The following FNDC3B variants were observed in gnomAD, a reference collection of about 807,000 sequenced individuals.
The protein encoded by FNDC3B is fibronectin type III domain-containing protein 3B.
FNDC3B carries 12 observed loss-of-function variants against 151.5 expected under a neutral mutation model. That is an observed-to-expected ratio of 0.08 (90% confidence interval 0.05 to 0.13). The LOEUF (loss-of-function observed/expected upper bound fraction) is 0.13. Ranked by LOEUF, FNDC3B falls within the 10% of genes least tolerant of loss-of-function variation. The pLI is 1.00. For missense variants in FNDC3B, 1,214 were observed against 1,505.3 expected (o/e 0.81, Z 3.20); for synonymous variants, 528 against 549.0 (o/e 0.96, Z 0.54).
At chr3:172,268,012 T>C (rs1729011839) in intron 6 of FNDC3B, among the ~76,000 whole-genome samples, 1 of 152,270 alleles carries the variant, frequency 6.6e-6, no homozygotes, top group South Asian at 2.1e-4. Context: ...AGCCCTGTTA[T>C]CTGCCTTGTG....
intron 2 of FNDC3B, among the ~76,000 whole-genome samples, chr3:172,127,766 A>G (rs1720876787): frequency 6.6e-6 from 1 of 152,192 alleles, no homozygotes; most frequent in African/African-American, 2.4e-5. Flanking sequence ...CCCGAGTTCA[A>G]GCGATTCTCA....
chr3:172,272,029 C>A (rs901861128), intron 6 of FNDC3B, among the ~76,000 whole-genome samples: 1 of 152,202 alleles, frequency 6.6e-6, no homozygotes, highest in Non-Finnish European at 1.5e-5. Flanking sequence ...GGGTCTAGAT[C>A]ACCGTTGGGC....
chr3:172,355,089 T>C (rs1734031262), intron 22 of FNDC3B, among the ~76,000 whole-genome samples: 1 of 152,218 alleles, frequency 6.6e-6, no homozygotes, highest in Non-Finnish European at 1.5e-5. Context: ...AGAATTACAA[T>C]ACTACTTTTA....
chr3:172,377,933 A>T (rs1395709171), intron 23 of FNDC3B, among the ~76,000 whole-genome samples: 1 of 152,212 alleles, frequency 6.6e-6, no homozygotes, highest in African/African-American at 2.4e-5. Context: ...AGTTTACACT[A>T]CCAGATTATA....
chr3:172,346,638 A>G (rs979428650), intron 20 of FNDC3B, among the ~76,000 whole-genome samples, 198 bp downstream of exon 20: 4 of 148,708 alleles, frequency 2.7e-5, no homozygotes, highest in African/African-American at 1.0e-4. Context: ...GTTTTACTGT[A>G]GTCAAAACTG....
intron 7 of FNDC3B, among the ~76,000 whole-genome samples, chr3:172,287,767 A>G (rs978632019): frequency 6.6e-6 from 1 of 152,232 alleles, no homozygotes; most frequent in Non-Finnish European, 1.5e-5. Flanking sequence ...TAGCAAGACA[A>G]AAGCCATATT....
rs1727847197 is a variant in FNDC3B at position 172,247,634 on chromosome 3, T to C, written c.366T>C (p.His122=). 1.2e-6 allele frequency: 2 copies of C among 1,613,980 alleles called. No individual in the cohort carries two copies. Among genetic ancestry groups the C allele is most frequent in the East Asian group, 4.5e-5 (2 of 44,878 alleles). Residue 122 remains histidine, a synonymous_variant, in exon 5 of 26, where the codon CAT becomes CAC. Transcript: ENST00000415807. The part of the protein sequence containing the change: ...SYPSAMSPTH[H]LPPYLTHHPH... ...CCTCAGCCATGTCTCCAACCCATCA[T>C]CTCCCTCCCTATCTGACTCACCATC...
At chr3:172,229,424 A>G (rs147846266) in intron 4 of FNDC3B, among the ~76,000 whole-genome samples, 3 of 152,218 alleles carry the variant, frequency 2.0e-5, no homozygotes, top group African/African-American at 4.8e-5. Context: ...CTCTTTCTAA[A>G]TACACACTTT....
At chr3:172,197,019 A>T (rs1027497556) in intron 3 of FNDC3B, among the ~76,000 whole-genome samples, 2 of 151,930 alleles carry the variant, frequency 1.3e-5, no homozygotes, top group African/African-American at 4.8e-5. Context: ...TGTCTTTACT[A>T]AAAATACAAA....
In FNDC3B at chr3:172,378,475, A is replaced by G. The variant is rs151054539; in HGVS notation, c.3175+39A>G. Reference sequence around the variant, plus strand: ...GTATTCTTTCTCGCTCTCTTGTGAGAGTAAGGAACTGTTGGGACTTATAGA... The same window carrying G: ...GTATTCTTTCTCGCTCTCTTGTGAGGGTAAGGAACTGTTGGGACTTATAGA... On this transcript the variant is annotated intron_variant, in intron 24 of 25. Transcript: ENST00000415807. 2.0e-4 allele frequency: 303 copies of G among 1,528,874 alleles called. 2 individuals carry two copies. In the African/African-American group the frequency reaches 3.2e-3, roughly 16 times the overall value. The allele number at this position is 1,528,874 out of a possible 1,614,324, so 94.7% of individuals were successfully genotyped here.
At chr3:172,187,568 C>A (rs1724254558) in intron 3 of FNDC3B, among the ~76,000 whole-genome samples, 1 of 152,222 alleles carries the variant, frequency 6.6e-6, no homozygotes. Flanking sequence ...TATCCAGTTA[C>A]TTCTACAACT....
At chr3:172,081,304 G>A (rs1201885878) in intron 1 of FNDC3B, among the ~76,000 whole-genome samples, 1 of 151,852 alleles carries the variant, frequency 6.6e-6, no homozygotes, top group Non-Finnish European at 1.5e-5. Flanking sequence ...CTTGGTGTCG[G>A]TGGCATTTCT....
At chr3:172,168,615 A>G (rs538205853) in intron 3 of FNDC3B, among the ~76,000 whole-genome samples, 25 of 152,236 alleles carry the variant, frequency 1.6e-4, no homozygotes, top group Admixed American at 3.9e-4. Flanking sequence ...ATATATACTC[A>G]TCACTTCCTG....
intron 1 of FNDC3B, among the ~76,000 whole-genome samples, chr3:172,074,264 C>A (rs1717906147): frequency 6.6e-6 from 1 of 152,214 alleles, no homozygotes; most frequent in Non-Finnish European, 1.5e-5. Flanking sequence ...TTCCACAATT[C>A]CGCTAGGCTA....
intron 3 of FNDC3B, among the ~76,000 whole-genome samples, chr3:172,192,316 G>A (rs923653175): frequency 1.3e-5 from 2 of 151,796 alleles, no homozygotes; most frequent in Admixed American, 1.3e-4. Flanking sequence ...GGGACCACAG[G>A]CATGTGCCAC....
intron 13 of FNDC3B, 66 bp downstream of exon 13, chr3:172,330,781 C>CA (rs1047216716): frequency 6.2e-6 from 8 of 1,291,802 alleles, no homozygotes; most frequent in Non-Finnish European, 6.5e-6. Flanking sequence ...AGCTACAGGG[C>CA]ACCATGAAAT....
intron 6 of FNDC3B, among the ~76,000 whole-genome samples, chr3:172,263,592 T>TG (rs1368569116): frequency 9.8e-6 from 1 of 102,168 alleles, no homozygotes; most frequent in Non-Finnish European, 2.5e-5. Context: ...AAGTGTTTTT[T>TG]TTTTTTTTTT....
chr3:172,124,151 C>T (rs1204262662), intron 2 of FNDC3B, among the ~76,000 whole-genome samples: 3 of 152,178 alleles, frequency 2.0e-5, no homozygotes, highest in African/African-American at 4.8e-5. Flanking sequence ...AGTGCAATGG[C>T]GCGATCTCAG....
rs74873487 is a variant in FNDC3B, at chr3:172,199,952, A to G, written c.188-26919A>G. 1.3e-3 allele frequency among the ~76,000 whole-genome samples: 196 copies of G among 152,310 alleles called. 1 individual carries two copies. The East Asian group carries it at 0.017, about 13-fold the overall frequency. ...CTCTGCGCGCTTTTGTGTTTCGTGC[A>G]TTTGTATGGTTACCATATACTTTAC... On this transcript the variant is annotated intron_variant, in intron 3 of 25. Transcript: ENST00000415807.
Sources: gnomAD v4.1 joint callset for allele counts (sites outside exome capture counted in the v4.1 genomes callset) on GRCh38, gnomAD v4.1.1 for gene constraint, MANE v1.5 for transcripts, NCBI Gene and HGNC (gene_info 2026-07-23, HGNC 2026-07-21) for gene names.